FRMPD4: variants seen among roughly 807,000 people sequenced by gnomAD.
FRMPD4 encodes the protein FERM and PDZ domain containing 4.
In FRMPD4, 22 loss-of-function variants were observed where a neutral mutation model predicts 94.1. That is an observed-to-expected ratio of 0.23 (90% CI 0.17 to 0.33). The LOEUF is 0.33. Ranked by LOEUF, FRMPD4 falls within the 10% of genes least tolerant of loss-of-function variation. The pLI is 1.00. For synonymous variants in FRMPD4, 631 were observed against 548.6 expected, an observed-to-expected ratio of 1.15 and a Z score of -2.10; for missense variants, 1,111 against 1,339.9, an observed-to-expected ratio of 0.83 and a Z score of 2.67.
intron 1 of FRMPD4, among the ~76,000 whole-genome samples, chrX:12,172,420 T>C (rs1473964782): frequency 9.0e-6 from 1 of 111,579 alleles, no homozygotes. Flanking sequence ...CTCAAGTCCT[T>C]CCCTAAGTAC....
At chrX:12,488,617 T>C (rs1019439088) in intron 1 of FRMPD4, among the ~76,000 whole-genome samples, 3 of 90,106 alleles carry the variant, frequency 3.3e-5, no homozygotes, top group African/African-American at 6.9e-5. Flanking sequence ...TCAAATGCTA[T>C]GGAAAATAGA....
At chrX:12,340,210 C>A (rs1322467224) in intron 1 of FRMPD4, among the ~76,000 whole-genome samples, 1 of 112,468 alleles carries the variant, frequency 8.9e-6, no homozygotes, top group East Asian at 2.8e-4. Context: ...AAGTTAATAA[C>A]CACTGCATAA....
chrX:12,163,394 GT>G (rs145544354), intron 1 of FRMPD4, among the ~76,000 whole-genome samples: 15,879 of 89,812 alleles, frequency 0.18, 1,779 homozygotes, highest in African/African-American at 0.41. Flanking sequence ...TATAAGCCCA[GT>G]TTTTTTTATC....
chrX:12,349,120 T>C lies in FRMPD4; in HGVS notation c.42-149560T>C, dbSNP rs780430252. On this transcript the variant is annotated intron_variant, in intron 1 of 16. Coordinates refer to ENST00000675598, the MANE Select transcript of FRMPD4 (RefSeq NM_001368397.1). ...CTGGAGACCCATGGTGAGGTAAGGT[T>C]GAAGCAGGAGTCACTCAGACATGCA... Among the ~76,000 whole-genome samples the C allele has an allele frequency of 1.8e-4, 20 of 111,167 alleles. No individual in the cohort carries two copies. In the South Asian group the frequency reaches 6.8e-3, roughly 38 times the overall value.
rs551190831 is a variant in FRMPD4, at chrX:12,318,965, A to G, written c.42-179715A>G. ...AAATGACGACAATTTCAAAGGTATA[A>G]GTTTTTTGTCACTTTTGATTGTCTT... is the stretch of plus-strand genomic sequence containing the variant. On this transcript the variant is annotated intron_variant, in intron 1 of 16. Coordinates refer to ENST00000675598, the MANE Select transcript of FRMPD4 (RefSeq NM_001368397.1). 1.1e-3 allele frequency among the ~76,000 whole-genome samples: 122 copies of G among 111,640 alleles called. 1 individual carries two copies. Among genetic ancestry groups the G allele is most frequent in the Non-Finnish European group, 1.8e-3 (98 of 53,092 alleles).
rs1368831900 is a variant in FRMPD4 at position 11,967,752 on chromosome X, G to GTTT, written c.95+89735_95+89736insTTT. 1.5e-4 allele frequency among the ~76,000 whole-genome samples: 12 copies of GTTT among 77,874 alleles called. No homozygotes were observed. The East Asian group carries it at 5.9e-3, about 38-fold the overall frequency. 67.6% of individuals were successfully genotyped at this position (77,874 alleles called of 115,157 possible). The stretch of plus-strand genomic sequence containing the variant: ...TAGGCAGATGTGTGTGTGTGTGTGT[G>GTTT]TGTGTTTTTTTTTTTTTTTTTTTTT... On this transcript the variant is annotated intron_variant, in intron 3 of 18. Transcript: ENST00000640291.
chrX:11,960,296 A>G (rs181101672), intron 3 of FRMPD4, among the ~76,000 whole-genome samples: 1 of 112,028 alleles, frequency 8.9e-6, no homozygotes, highest in African/African-American at 3.2e-5. Flanking sequence ...CTGAAAAATA[A>G]GTCAAATTCT....
At chrX:12,424,900 A>G (rs907849267) in intron 1 of FRMPD4, among the ~76,000 whole-genome samples, 1 of 112,943 alleles carries the variant, frequency 8.9e-6, no homozygotes, top group Non-Finnish European at 1.9e-5. Context: ...AGGCAATGCT[A>G]CTTCTATAAT....
At chrX:12,637,873 A>C (rs1233373094) in intron 4 of FRMPD4, among the ~76,000 whole-genome samples, 1 of 112,234 alleles carries the variant, frequency 8.9e-6, no homozygotes, top group African/African-American at 3.2e-5. Context: ...TTTTACATGC[A>C]ATTTTTAGAA....
At chrX:12,139,079 T>C in intron 1 of FRMPD4, 67 bp downstream of exon 1, 1 of 938,371 alleles carries the variant, frequency 1.1e-6, no homozygotes, top group Non-Finnish European at 1.4e-6. Flanking sequence ...GCCTTATTTT[T>C]CGGGAGGCTG....
rs1569077056 is a variant in FRMPD4, at chrX:12,718,636, C to T, written c.3810C>T (p.Asn1270=). ...PSEERAPGLP[N]HGATFKELHP... is the part of the protein sequence containing the mutation. ...AGGAGAGAGCCCCTGGGCTTCCCAACCACGGAGCCACCTTTAAGGAACTGC... is the reference window on the plus strand; with the variant it reads ...AGGAGAGAGCCCCTGGGCTTCCCAATCACGGAGCCACCTTTAAGGAACTGC... Residue 1270 remains asparagine, a synonymous_variant, in exon 16 of 17, where the codon AAC becomes AAT. Coordinates refer to ENST00000675598, the MANE Select transcript of FRMPD4 (RefSeq NM_001368397.1). 7 of 1,209,870 alleles carry T rather than the reference C, an allele frequency of 5.8e-6. No homozygotes were observed. Among genetic ancestry groups the T allele is most frequent in the Non-Finnish European group, 7.8e-6 (7 of 893,713 alleles).
At chrX:12,122,729 G>A (rs857355) in intron 3 of FRMPD4, among the ~76,000 whole-genome samples, 46,066 of 109,622 alleles carry the variant, frequency 0.42, 8,256 homozygotes, top group East Asian at 0.82. Context: ...TATCTCTGAC[G>A]TGGAACAAGG....
intron 3 of FRMPD4, among the ~76,000 whole-genome samples, chrX:12,112,238 T>C (rs1480372972): frequency 1.8e-5 from 2 of 111,690 alleles, no homozygotes; most frequent in Admixed American, 9.5e-5. Flanking sequence ...TATGCAGCCA[T>C]AAAAAATGAT....
chrX:12,485,606 G>A (rs1333516153), intron 1 of FRMPD4, among the ~76,000 whole-genome samples: 3 of 111,583 alleles, frequency 2.7e-5, no homozygotes. Context: ...AGACTACAAG[G>A]GAGGCTCTCC....
chrX:12,332,809 A>G (rs916649625), intron 1 of FRMPD4, among the ~76,000 whole-genome samples: 2 of 112,137 alleles, frequency 1.8e-5, no homozygotes, highest in Non-Finnish European at 3.8e-5. Context: ...ACCCCTCTAT[A>G]TTGTTTATTC....
intron 3 of FRMPD4, among the ~76,000 whole-genome samples, chrX:11,932,034 C>T (rs371900464): frequency 1.5e-4 from 17 of 111,857 alleles, no homozygotes; most frequent in East Asian, 1.4e-3. Context: ...AGCTTAATGT[C>T]GGCATAGAAT....
intron 1 of FRMPD4, among the ~76,000 whole-genome samples, chrX:12,230,511 C>T (rs1462214199): frequency 2.7e-5 from 3 of 110,614 alleles, no homozygotes; most frequent in East Asian, 2.8e-4. Context: ...GCCATCCCAT[C>T]GCCCACCCAT....
At chrX:12,108,224 C>G (rs1410249384) in intron 3 of FRMPD4, among the ~76,000 whole-genome samples, 1 of 112,003 alleles carries the variant, frequency 8.9e-6, no homozygotes, top group South Asian at 3.7e-4. Flanking sequence ...CAGCTGATCT[C>G]TCGGCAGAAA....
chrX:12,390,231 C>T (rs1276976650), intron 1 of FRMPD4, among the ~76,000 whole-genome samples: 3 of 111,921 alleles, frequency 2.7e-5, no homozygotes, highest in African/African-American at 9.8e-5. Context: ...TTGTCAATGG[C>T]ATAAAAGAGA....
Sources: allele counts gnomAD v4.1 joint callset (sites outside exome capture counted in the v4.1 genomes callset), GRCh38; gene constraint gnomAD v4.1.1; transcripts MANE v1.5; gene names NCBI Gene and HGNC (gene_info 2026-07-23, HGNC 2026-07-21).